The following ZNF385D variants were observed in gnomAD, a reference collection of about 807,000 sequenced individuals.
ZNF385D encodes zinc finger protein 385D.
A neutral mutation model predicts 35.8 loss-of-function variants in ZNF385D; 15 were observed. The observed-to-expected ratio is 0.42, with a 90% confidence interval of 0.28 to 0.64. The LOEUF (loss-of-function observed/expected upper bound fraction) is 0.64, where lower values mean the gene tolerates loss of function less well. Ranked by LOEUF, ZNF385D falls within the 30% of genes least tolerant of loss-of-function variation. ZNF385D has a pLI of 0.23. For synonymous variants in ZNF385D, 212 were observed against 186.8 expected (o/e 1.13, Z -1.10); for missense variants, 474 against 494.6 (o/e 0.96, Z 0.39).
intron 3 of ZNF385D, among the ~76,000 whole-genome samples, chr3:21,895,232 A>G (rs749702897): frequency 6.6e-6 from 1 of 150,652 alleles, no homozygotes; most frequent in Admixed American, 6.6e-5. Context: ...ATTCAAAAAG[A>G]TAGGAGTCAG....
chr3:22,041,787 A>T (rs1351376350), intron 3 of ZNF385D, among the ~76,000 whole-genome samples: 1 of 152,142 alleles, frequency 6.6e-6, no homozygotes, highest in Non-Finnish European at 1.5e-5. Flanking sequence ...AGATTTATAA[A>T]TGTGCTTGGA....
intron 2 of ZNF385D, among the ~76,000 whole-genome samples, chr3:22,235,583 T>C (rs1699133815): frequency 6.6e-6 from 1 of 152,090 alleles, no homozygotes; most frequent in South Asian, 2.1e-4. Flanking sequence ...AGAGGCCTTG[T>C]AAAATATGAC....
intron 2 of ZNF385D, among the ~76,000 whole-genome samples, chr3:22,237,101 C>A (rs999363823): frequency 6.6e-6 from 1 of 152,188 alleles, no homozygotes; most frequent in Admixed American, 6.6e-5. Flanking sequence ...AACTGCCAAA[C>A]TGATTTCCAA....
intron 2 of ZNF385D, among the ~76,000 whole-genome samples, chr3:22,288,835 C>T (rs915677180): frequency 6.6e-6 from 1 of 152,096 alleles, no homozygotes; most frequent in African/African-American, 2.4e-5. Context: ...ATCCCTCAGT[C>T]CTTTTAGACT....
At chr3:21,691,272 T>C (rs948485640) in intron 1 of ZNF385D, among the ~76,000 whole-genome samples, 4 of 152,214 alleles carry the variant, frequency 2.6e-5, no homozygotes, top group East Asian at 1.9e-4. Context: ...GCTGGCTCCA[T>C]TGCAGATTTA....
intron 2 of ZNF385D, among the ~76,000 whole-genome samples, chr3:21,581,457 C>G (rs1293226474): frequency 2.6e-5 from 4 of 152,058 alleles, no homozygotes; most frequent in African/African-American, 9.7e-5. Context: ...TATATTCTCC[C>G]CAACCTAAAT....
chr3:21,823,839 G>A (rs971966395), intron 3 of ZNF385D, among the ~76,000 whole-genome samples: 12 of 152,174 alleles, frequency 7.9e-5, no homozygotes, highest in Non-Finnish European at 1.6e-4. Context: ...AAATCTGCCT[G>A]TATAACTCCC....
chr3:22,110,885 A>T lies in ZNF385D; in HGVS notation c.325+57932T>A, dbSNP rs572158633. ...TATGGTAGGATATAAGGCTGTCAAGAGAGGTATAATTTAGCTGAGAGTCTT... is the reference window on the plus strand; with the variant it reads ...TATGGTAGGATATAAGGCTGTCAAGTGAGGTATAATTTAGCTGAGAGTCTT... On this transcript the variant is annotated intron_variant, in intron 3 of 5. Coordinates refer to the ZNF385D transcript ENST00000494108. Among the ~76,000 whole-genome samples the T allele has an allele frequency of 2.0e-5, 3 of 152,220 alleles. No homozygotes were observed. The South Asian group carries it at 6.2e-4, about 32-fold the overall frequency.
chr3:22,237,147 T>C (rs1319644797), intron 2 of ZNF385D, among the ~76,000 whole-genome samples: 1 of 152,120 alleles, frequency 6.6e-6, no homozygotes, highest in East Asian at 1.9e-4. Flanking sequence ...ACCAGCAACA[T>C]GTGGGGGTTC....
At chr3:22,096,570 T>C (rs918510380) in intron 3 of ZNF385D, among the ~76,000 whole-genome samples, 4 of 152,066 alleles carry the variant, frequency 2.6e-5, no homozygotes, top group Admixed American at 2.0e-4. Context: ...TCAAAAAGTG[T>C]TGAGGAGAAA....
rs541658778 is a variant in ZNF385D, at chr3:22,331,437, A to C, written c.106+41013T>G. On this transcript the variant is annotated intron_variant, in intron 2 of 5. Coordinates refer to the ZNF385D transcript ENST00000494108. ...GAATAAAACAAAAAGAAAACTTTGAATATTTACTTTAATAGCTATATATGA... is the reference window on the plus strand; with the variant it reads ...GAATAAAACAAAAAGAAAACTTTGACTATTTACTTTAATAGCTATATATGA... Among the ~76,000 whole-genome samples the C allele has an allele frequency of 5.8e-4, 88 of 152,318 alleles. 2 individuals carry two copies. The South Asian group carries it at 0.018, about 31-fold the overall frequency.
At chr3:21,773,858 T>C (rs1266992962) in intron 3 of ZNF385D, among the ~76,000 whole-genome samples, 3 of 152,028 alleles carry the variant, frequency 2.0e-5, no homozygotes, top group Non-Finnish European at 4.4e-5. Flanking sequence ...GAAGATGCTG[T>C]GGCAATTCCT....
chr3:22,345,126 A>C (rs1695598665), intron 2 of ZNF385D, among the ~76,000 whole-genome samples: 1 of 152,206 alleles, frequency 6.6e-6, no homozygotes. Flanking sequence ...GTGATACAGT[A>C]TTAACTATAA....
chr3:21,937,224 T>G (rs2125263001), intron 3 of ZNF385D, among the ~76,000 whole-genome samples: 1 of 152,088 alleles, frequency 6.6e-6, no homozygotes, highest in South Asian at 2.1e-4. Context: ...GCCCAAATAA[T>G]GTAAGCCTTA....
At chr3:21,478,911 G>C (rs752822349) in intron 4 of ZNF385D, among the ~76,000 whole-genome samples, 3 of 151,994 alleles carry the variant, frequency 2.0e-5, no homozygotes, top group Non-Finnish European at 2.9e-5. Flanking sequence ...GGAATCACAG[G>C]AGGTTTTAAA....
chr3:21,767,371 A>G lies in ZNF385D; in HGVS notation c.326-102343T>C, dbSNP rs568247224. On this transcript the variant is annotated intron_variant, in intron 3 of 5. Transcript: ENST00000494108. ...CTGCCACTTGTCTCTGACAAATTTT[A>G]CTCATTCTTTTTTTTCCAAGATTGA... 1.8e-4 allele frequency among the ~76,000 whole-genome samples: 22 copies of G among 125,238 alleles called. No homozygotes were observed. In the East Asian group the frequency reaches 4.9e-3, roughly 28 times the overall value. 82.2% of individuals were successfully genotyped at this position (125,238 alleles called of 152,430 possible).
intron 2 of ZNF385D, among the ~76,000 whole-genome samples, chr3:22,204,817 C>T (rs963510027): frequency 1.7e-4 from 26 of 151,218 alleles, no homozygotes; most frequent in African/African-American, 5.8e-4. Context: ...CTCACAGTCA[C>T]AGGAGAAAAA....
chr3:21,720,796 CATTTA>C (rs1458388787), intron 1 of ZNF385D, among the ~76,000 whole-genome samples: 1 of 152,110 alleles, frequency 6.6e-6, no homozygotes, highest in African/African-American at 2.4e-5. Flanking sequence ...AGTCCTCTGG[CATTTA>C]ATTTAAAGAC....
At chr3:21,869,942 T>C (rs181646236) in intron 3 of ZNF385D, among the ~76,000 whole-genome samples, 66 of 152,218 alleles carry the variant, frequency 4.3e-4, no homozygotes, top group Middle Eastern at 3.4e-3. Flanking sequence ...TAAAATTGAT[T>C]AAAGAAGGTT....
Sources: gnomAD v4.1 joint callset for allele counts (sites outside exome capture counted in the v4.1 genomes callset) on GRCh38, gnomAD v4.1.1 for gene constraint, MANE v1.5 for transcripts, NCBI Gene and HGNC (gene_info 2026-07-23, HGNC 2026-07-21) for gene names.